Variants in CAMK2B observed in about 807,000 individuals in gnomAD.
CAMK2B encodes the protein calcium/calmodulin-dependent protein kinase type II subunit beta.
CAMK2B carries 27 observed loss-of-function variants against 93.7 expected under a neutral mutation model. The observed-to-expected ratio is 0.29, with a 90% CI of 0.21 to 0.40. CAMK2B has a LOEUF of 0.40. Among genes scored for constraint, CAMK2B ranks in the 10% least tolerant of loss-of-function variants. The pLI is 1.00. For missense variants in CAMK2B, 568 were observed against 895.8 expected (o/e 0.63, Z 4.67); for synonymous variants, 374 against 358.8 (o/e 1.04, Z -0.48).
At chr7:44,219,895 G>T (rs554621625) in intron 23 of CAMK2B, among the ~76,000 whole-genome samples, 165 bp downstream of exon 23, 44 of 152,218 alleles carry the variant, frequency 2.9e-4, no homozygotes, top group Admixed American at 2.6e-3. Flanking sequence ...GCCTGCCGTG[G>T]TCCCTAATTT....
At chr7:44,257,642 C>G (rs114978845) in intron 4 of CAMK2B, among the ~76,000 whole-genome samples, 266 of 152,386 alleles carry the variant, frequency 1.7e-3, no homozygotes, top group African/African-American at 6.1e-3. Context: ...GACACAGCCT[C>G]AGCCAGGCAG....
At chr7:44,258,787 T>G in intron 4 of CAMK2B, 85 bp downstream of exon 4, 1 of 1,236,300 alleles carries the variant, frequency 8.1e-7, no homozygotes, top group Non-Finnish European at 1.2e-6. Flanking sequence ...TAGGGACTAT[T>G]CCCTGGGGCT....
At chr7:44,303,910 C>T (rs1310150630) in intron 1 of CAMK2B, among the ~76,000 whole-genome samples, 1 of 152,096 alleles carries the variant, frequency 6.6e-6, no homozygotes, top group East Asian at 1.9e-4. Flanking sequence ...AATATAGAAA[C>T]AACCAGTTTA....
In CAMK2B at chr7:44,254,616, G is replaced by A; in HGVS notation, c.276-9C>T. On this transcript the variant is annotated splice_polypyrimidine_tract_variant and intron_variant, in intron 4 of 23. Transcript: ENST00000395749. ...GCTCCCCACCAGTGACCCTATGGGA[G>A]AAGCATGAAGGGGTCACAGATTCTG... The A allele has an allele frequency of 1.2e-6, 2 of 1,606,700 alleles. No homozygotes were observed. The highest frequency in any genetic ancestry group is 1.7e-6 in the Non-Finnish European group (2 of 1,174,872).
rs2128937947 is a variant in CAMK2B at position 44,235,508 on chromosome 7, TAA to T, written c.1022-834_1022-833del. Among the ~76,000 whole-genome samples the T allele has an allele frequency of 2.6e-5, 4 of 151,146 alleles. 1 individual carries two copies. Among genetic ancestry groups the T allele is most frequent in the African/African-American group, 9.7e-5 (4 of 41,092 alleles). On this transcript the variant is annotated intron_variant, in intron 13 of 23. Transcript: ENST00000395749. ...TACAGAACTAAAAAATAAAAATAAATAAAAAACCAAAAGAGGAAGTCAGCTTA... is the reference window on the plus strand; with the variant it reads ...TACAGAACTAAAAAATAAAAATAAATAAAACCAAAAGAGGAAGTCAGCTTA...
rs1301211472 is a variant in CAMK2B at position 44,286,839 on chromosome 7, C to T, written c.66-2614G>A. On this transcript the variant is annotated intron_variant, in intron 1 of 23. Coordinates refer to ENST00000395749, the MANE Select transcript of CAMK2B (RefSeq NM_001220.5). The surrounding 1 kb of genome is among the most constrained non-coding windows in gnomAD (Gnocchi z 4.0). Reference sequence around the variant, plus strand: ...CAGCGCCGCTGAGGAAGGAGGAAGGCATGGCTGGGGGCCTCGGGATGAGTG... The same window carrying T: ...CAGCGCCGCTGAGGAAGGAGGAAGGTATGGCTGGGGGCCTCGGGATGAGTG... Among the ~76,000 whole-genome samples the T allele has an allele frequency of 2.6e-5, 4 of 152,316 alleles. No homozygotes were observed. The East Asian group carries it at 7.7e-4, about 29-fold the overall frequency.
intron 20 of CAMK2B, 69 bp downstream of exon 20, chr7:44,226,447 A>G: frequency 7.9e-7 from 1 of 1,258,196 alleles, no homozygotes; most frequent in Non-Finnish European, 1.0e-6. Context: ...CCAGAGCACC[A>G]CTGCCAGGCT....
intron 19 of CAMK2B, among the ~76,000 whole-genome samples, chr7:44,227,602 T>G (rs990188979): frequency 2.8e-3 from 2 of 718 alleles, no homozygotes; most frequent in Non-Finnish European, 4.3e-3. Flanking sequence ...GGACAGGGGG[T>G]GTGGGGGACA....
At chr7:44,265,858 TAG>T (rs1433603300) in intron 2 of CAMK2B, among the ~76,000 whole-genome samples, 1 of 151,782 alleles carries the variant, frequency 6.6e-6, no homozygotes, top group African/African-American at 2.4e-5. Context: ...TGCAGTAAGT[TAG>T]AGCTCAGAGA....
intron 22 of CAMK2B, 136 bp downstream of exon 22, chr7:44,220,480 G>A (rs1583683365): frequency 1.1e-6 from 1 of 873,946 alleles, no homozygotes; most frequent in African/African-American, 1.7e-5. Context: ...CTCTGGCGGG[G>A]GAGAGGTGGC....
Position 44,325,562 on chromosome 7 carries a change from G to C in CAMK2B, c.-141C>G, listed in dbSNP as rs943644316. The C allele has an allele frequency of 3.6e-6, 1 of 275,050 alleles. No homozygotes were observed. Among genetic ancestry groups the C allele is most frequent in the Non-Finnish European group, 5.5e-6 (1 of 183,220 alleles). The allele number at this position is 275,050 out of a possible 1,614,324, so 17.0% of individuals were successfully genotyped here. A position where few individuals can be genotyped will look rare whatever the true frequency, so the allele number is the denominator to read the frequency against. On this transcript the variant is annotated 5_prime_UTR_variant, in exon 1 of 24. Coordinates refer to ENST00000395749, the MANE Select transcript of CAMK2B (RefSeq NM_001220.5). ...GCGGCGCCAGGCGGGGGCCGGGCTG[G>C]GCTGCGCCGGGCGGCGAGCGCACGC...
At position 44,228,779 on chromosome 7, in the gene CAMK2B, T is replaced by G. The variant is rs776026885; in HGVS notation, c.1468+17A>C. ...TGTCCGGCAGCAGAGGCGGCAGGCC[T>G]GGGGGCCACTACTTACACGGGGAGG... On this transcript the variant is annotated intron_variant, in intron 19 of 23. Coordinates refer to ENST00000395749, the MANE Select transcript of CAMK2B (RefSeq NM_001220.5). The G allele has an allele frequency of 2.0e-5, 29 of 1,455,976 alleles. No homozygotes were observed. The East Asian group carries it at 6.8e-4, about 34-fold the overall frequency. 90.2% of individuals were successfully genotyped at this position (1,455,976 alleles called of 1,614,324 possible).
chr7:44,227,812 A>AGGG (rs2096532820), intron 19 of CAMK2B, among the ~76,000 whole-genome samples: 1 of 69,516 alleles, frequency 1.4e-5, no homozygotes, highest in Non-Finnish European at 2.7e-5. Flanking sequence ...CAGAGGGAGA[A>AGGG]TGTGAGGGGC....
At chr7:44,307,529 T>C (rs572905023) in intron 1 of CAMK2B, among the ~76,000 whole-genome samples, 13 of 152,032 alleles carry the variant, frequency 8.6e-5, no homozygotes, top group African/African-American at 2.7e-4. Context: ...CCCCTGGCAC[T>C]GGGAATGGTC....
chr7:44,237,155 C>T (rs770638147), intron 13 of CAMK2B, among the ~76,000 whole-genome samples: 7 of 152,234 alleles, frequency 4.6e-5, no homozygotes, highest in Non-Finnish European at 8.8e-5. Flanking sequence ...TGAGCTCTTT[C>T]CCCGGGCATG....
At chr7:44,264,428 G>A (rs2096906116) in intron 2 of CAMK2B, among the ~76,000 whole-genome samples, 1 of 152,148 alleles carries the variant, frequency 6.6e-6, no homozygotes, top group Non-Finnish European at 1.5e-5. Context: ...GCCTACAGAT[G>A]GGAAGGTCTC....
chr7:44,250,492 C>T (rs1035251024), intron 5 of CAMK2B, among the ~76,000 whole-genome samples: 22 of 151,774 alleles, frequency 1.4e-4, no homozygotes, highest in African/African-American at 5.3e-4. Flanking sequence ...AGCATTGCAC[C>T]AGGTCCCTTC....
At chr7:44,257,521 C>A (rs1458742466) in intron 4 of CAMK2B, among the ~76,000 whole-genome samples, 1 of 152,268 alleles carries the variant, frequency 6.6e-6, no homozygotes, top group East Asian at 1.9e-4. Flanking sequence ...GACCACCCCC[C>A]ACCCCACAGT....
chr7:44,275,918 G>T (rs1387316671), intron 2 of CAMK2B, among the ~76,000 whole-genome samples: 10 of 152,172 alleles, frequency 6.6e-5, no homozygotes. Context: ...CAGGGGAGGG[G>T]GCGTTTCCCA....
Sources: allele counts gnomAD v4.1 joint callset (sites outside exome capture counted in the v4.1 genomes callset), GRCh38; gene constraint gnomAD v4.1.1; non-coding constraint Gnocchi (gnomAD v3.1); transcripts MANE v1.5; gene names NCBI Gene and HGNC (gene_info 2026-07-23, HGNC 2026-07-21).